ASPH: variants seen among roughly 807,000 people sequenced by gnomAD.
ASPH encodes aspartate beta-hydroxylase.
ASPH carries 100 observed loss-of-function variants against 118.4 expected under a neutral mutation model. That is an observed-to-expected ratio of 0.84 (90% confidence interval 0.72 to 1.00). The LOEUF (loss-of-function observed/expected upper bound fraction) is 1.00. Among genes scored for constraint, ASPH ranks in the 50% least tolerant of loss-of-function variants. ASPH has a pLI of 0.00. For missense variants in ASPH, 920 were observed against 919.5 expected (o/e 1.00, Z -0.01); for synonymous variants, 315 against 325.6 (o/e 0.97, Z 0.35).
At chr8:61,580,038 CAT>C (rs372113422) in intron 15 of ASPH, among the ~76,000 whole-genome samples, 364 of 152,180 alleles carry the variant, frequency 2.4e-3, no homozygotes, top group African/African-American at 8.4e-3. Context: ...CCTTTGACTC[CAT>C]GTCTCACATC....
chr8:61,630,055 A>C (rs1016041845), intron 13 of ASPH, among the ~76,000 whole-genome samples: 2 of 152,210 alleles, frequency 1.3e-5, no homozygotes, highest in African/African-American at 4.8e-5. Context: ...ATAATGCTTA[A>C]TAAACATGAA....
intron 21 of ASPH, among the ~76,000 whole-genome samples, chr8:61,528,308 A>G (rs1209078902): frequency 6.6e-6 from 1 of 152,176 alleles, no homozygotes; most frequent in Non-Finnish European, 1.5e-5. Context: ...AAAGAAAAAA[A>G]TGCACCCTAG....
intron 14 of ASPH, among the ~76,000 whole-genome samples, 174 bp from the exon 15 acceptor site, chr8:61,584,203 A>C (rs1450841316): frequency 6.6e-6 from 1 of 152,156 alleles, no homozygotes; most frequent in East Asian, 1.9e-4. Context: ...TGATGAAGTC[A>C]GTGACTGCCA....
intron 12 of ASPH, 148 bp from the exon 13 acceptor site, chr8:61,633,875 C>G: frequency 1.8e-6 from 1 of 566,868 alleles, no homozygotes; most frequent in Admixed American, 3.7e-5. Context: ...GGCTTCTATA[C>G]CCTCACAACA....
chr8:61,670,111 T>TTCTTCAG, intron 3 of ASPH, among the ~76,000 whole-genome samples: 1 of 151,834 alleles, frequency 6.6e-6, no homozygotes, highest in South Asian at 2.1e-4. Context: ...GCTAATAATT[T>TTCTTCAG]AAACAATTAT....
chr8:61,649,461 C>A lies in ASPH; in HGVS notation c.490+1589G>T, dbSNP rs569629529. ...GATGCCAAGTATGCAGTTAGGTAAA[C>A]CTGGAGTTTAGATGAGCAATGAGGG... On this transcript the variant is annotated intron_variant, in intron 5 of 24. Transcript: ENST00000379454. 3.3e-5 allele frequency among the ~76,000 whole-genome samples: 5 copies of A among 152,056 alleles called. No homozygotes were observed. In the South Asian group the frequency reaches 1.0e-3, roughly 32 times the overall value.
intron 24 of ASPH, among the ~76,000 whole-genome samples, chr8:61,515,560 C>T (rs1363947399): frequency 1.3e-5 from 2 of 152,176 alleles, no homozygotes; most frequent in African/African-American, 2.4e-5. Flanking sequence ...CCTGATAAGT[C>T]TGACTCTCAA....
intron 15 of ASPH, 90 bp from the exon 16 acceptor site, chr8:61,576,948 CAG>C (rs756474083): frequency 3.5e-6 from 4 of 1,130,176 alleles, no homozygotes; most frequent in South Asian, 3.4e-5. Context: ...GTGGTTTTGT[CAG>C]AGTTTCCTAG....
intron 21 of ASPH, among the ~76,000 whole-genome samples, chr8:61,543,236 C>T (rs939142892): frequency 2.0e-5 from 3 of 151,994 alleles, no homozygotes; most frequent in Non-Finnish European, 4.4e-5. Context: ...CTCTTTCTTC[C>T]CCTGAGGATT....
intron 3 of ASPH, chr8:61,662,024 C>T (rs1176298989): frequency 6.1e-5 from 22 of 362,430 alleles, no homozygotes; most frequent in Non-Finnish European, 7.5e-5. Context: ...CATACGAAGC[C>T]ATTAGAAAAT....
At chr8:61,625,016 A>C (rs553072712) in intron 13 of ASPH, 118 of 985,594 alleles carry the variant, frequency 1.2e-4, no homozygotes, top group Admixed American at 9.2e-4. Context: ...AGTATCTTTG[A>C]TTTTAATCCT....
At chr8:61,624,445 A>C (rs1490167815) in intron 13 of ASPH, 4 of 981,272 alleles carry the variant, frequency 4.1e-6, no homozygotes. Context: ...AAAATGCTAT[A>C]ATCTTCTAAA....
intron 17 of ASPH, 47 bp from the exon 18 acceptor site, chr8:61,562,927 G>A: frequency 6.6e-7 from 1 of 1,508,216 alleles, no homozygotes. Flanking sequence ...AACAGATTAT[G>A]TACACTTTTG....
intron 3 of ASPH, among the ~76,000 whole-genome samples, chr8:61,672,757 A>C (rs1180100063): frequency 1.3e-5 from 2 of 152,242 alleles, no homozygotes; most frequent in African/African-American, 2.4e-5. Flanking sequence ...TAACAAAGGC[A>C]GTGAATTCTG....
intron 3 of ASPH, among the ~76,000 whole-genome samples, chr8:61,679,249 A>G (rs1339393467): frequency 6.6e-6 from 1 of 152,128 alleles, no homozygotes; most frequent in Non-Finnish European, 1.5e-5. Context: ...TTATTAGTAA[A>G]GTTACCAAAA....
intron 20 of ASPH, among the ~76,000 whole-genome samples, chr8:61,550,571 A>C (rs892366771): frequency 2.0e-5 from 3 of 152,186 alleles, no homozygotes; most frequent in Admixed American, 6.5e-5. Flanking sequence ...ATGGGCTGTC[A>C]TAAGTGGCCC....
Position 61,659,609 on chromosome 8 carries a change from G to A in ASPH, c.323-5949C>T, listed in dbSNP as rs534882183. On this transcript the variant is annotated intron_variant, in intron 3 of 24. Transcript: ENST00000379454. ...CAGAAATTGATTCCTAGGTAAAAAC[G>A]ATAGCCAAGGAATAAACATCCAGCT... The A allele has an allele frequency of 1.3e-4, 20 of 152,274 alleles. No homozygotes were observed. The South Asian group carries it at 3.5e-3, about 27-fold the overall frequency. 9.4% of individuals were successfully genotyped at this position (152,274 alleles called of 1,614,324 possible).
chr8:61,565,067 T>C (rs1481077492), intron 17 of ASPH, among the ~76,000 whole-genome samples: 4 of 152,232 alleles, frequency 2.6e-5, no homozygotes, highest in Admixed American at 1.3e-4. Context: ...ACTGGGAACC[T>C]GGGTCAGTCC....
chr8:61,704,150 C>G (rs952315201), intron 1 of ASPH, among the ~76,000 whole-genome samples: 1 of 125,934 alleles, frequency 7.9e-6, no homozygotes, highest in African/African-American at 3.0e-5. Flanking sequence ...AGCCGAGATC[C>G]CGCCACTGCA....
Sources: gnomAD v4.1 joint callset for allele counts (sites outside exome capture counted in the v4.1 genomes callset) on GRCh38, gnomAD v4.1.1 for gene constraint, MANE v1.5 for transcripts, NCBI Gene and HGNC (gene_info 2026-07-23, HGNC 2026-07-21) for gene names.